Variants in CD34 observed in about 807,000 individuals in gnomAD.
CD34 encodes the protein CD34 molecule, also known as hematopoietic progenitor cell antigen CD34.
CD34 carries 34 observed loss-of-function variants against 40.1 expected under a neutral mutation model. That is an observed-to-expected ratio of 0.85 (90% CI 0.65 to 1.13). The LOEUF (loss-of-function observed/expected upper bound fraction) is 1.13, where lower values mean the gene tolerates loss of function less well. Ranked by LOEUF, CD34 falls within the 50% of genes most tolerant of loss-of-function variation. CD34 has a pLI of 0.00. For missense variants in CD34, 426 were observed against 466.9 expected (o/e 0.91, Z 0.81); for synonymous variants, 209 against 190.0 (o/e 1.10, Z -0.82).
chr1:207,889,846 G>A, intron 4 of CD34: 1 of 1,573,298 alleles, frequency 6.4e-7, no homozygotes, highest in South Asian at 1.2e-5. Flanking sequence ...ATATCTTCTA[G>A]TATCTAAGAT....
rs1661835941 is a variant in CD34 at position 207,883,073 on chromosome 1, C to A, written c.*4665G>T. On this transcript the variant is annotated 3_prime_UTR_variant, in exon 8 of 8. Coordinates refer to ENST00000310833, the MANE Select transcript of CD34 (RefSeq NM_001025109.2). ...AATTAATGAATAAATGGAAACTCTT[C>A]TGTGGCTCCTCTTCTATTGGATAAA... The A allele has an allele frequency of 6.6e-6, 1 of 152,194 alleles. No individual in the cohort carries two copies. The highest frequency in any genetic ancestry group is 2.4e-5 in the African/African-American group (1 of 41,454). The allele number at this position is 152,194 out of a possible 1,614,324, so 9.4% of individuals were successfully genotyped here. A position where few individuals can be genotyped will look rare whatever the true frequency, so the allele number is the denominator to read the frequency against.
intron 4 of CD34, among the ~76,000 whole-genome samples, chr1:207,892,820 A>G (rs1446137181): frequency 1.3e-5 from 2 of 152,148 alleles, no homozygotes; most frequent in East Asian, 3.9e-4. Context: ...AGACTGCATG[A>G]ACCGTGGCAC....
At position 207,888,860 on chromosome 1, in the gene CD34, C is replaced by G. The variant is rs143583448; in HGVS notation, c.808-14G>C. ...TAGGATCCCCAGCTTGAAAAGAAGA[C>G]AAAGAAGATACAGCCTGTCACTTGC... On this transcript the variant is annotated splice_polypyrimidine_tract_variant and intron_variant, in intron 6 of 7. Coordinates refer to ENST00000310833, the MANE Select transcript of CD34 (RefSeq NM_001025109.2). The G allele has an allele frequency of 9.4e-4, 1,521 of 1,613,502 alleles. 12 individuals are homozygous for G. The African/African-American group carries it at 0.018, about 19-fold the overall frequency.
Position 207,887,903 on chromosome 1 carries a change from C to A in CD34, c.993G>T (p.Thr331=), listed in dbSNP as rs764229152. Residue 331 remains threonine (T), a synonymous_variant, in exon 8 of 8, where the codon ACG becomes ACT. Transcript: ENST00000310833. The part of the protein sequence containing the change: ...GERLGEDPYY[T]ENGGGQGYSS... Reference sequence around the variant, plus strand: ...TATAGCCCTGGCCTCCACCGTTTTCCGTGTAATAAGGGTCTTCGCCCTAGA... The same window carrying A: ...TATAGCCCTGGCCTCCACCGTTTTCAGTGTAATAAGGGTCTTCGCCCTAGA... 2.5e-6 allele frequency: 4 copies of A among 1,613,796 alleles called. 1 individual carries two copies. In the South Asian group the frequency reaches 3.3e-5, roughly 13 times the overall value.
chr1:207,899,269 C>T (rs752810474), intron 2 of CD34, 43 bp from the exon 3 acceptor site: 2 of 1,599,366 alleles, frequency 1.3e-6, no homozygotes, highest in Admixed American at 3.4e-5. Flanking sequence ...TGCATGTGCT[C>T]ATAGATACAC....
intron 4 of CD34, chr1:207,890,146 G>A: frequency 9.5e-7 from 1 of 1,053,914 alleles, no homozygotes; most frequent in Non-Finnish European, 1.1e-6. Flanking sequence ...AAACTGAAAT[G>A]GCATTTTTGT....
intron 1 of CD34, among the ~76,000 whole-genome samples, chr1:207,909,156 C>T (rs1052514038): frequency 6.6e-6 from 1 of 152,190 alleles, no homozygotes; most frequent in Non-Finnish European, 1.5e-5. Flanking sequence ...TGCCTCATCC[C>T]TCCCCACCAA....
chr1:207,907,016 A>G (rs984125361), intron 1 of CD34, among the ~76,000 whole-genome samples: 5 of 151,990 alleles, frequency 3.3e-5, no homozygotes, highest in Non-Finnish European at 7.4e-5. Context: ...CCATGGCTCA[A>G]TGGCTCCCTG....
rs760191575 is a variant in CD34 at position 207,883,439 on chromosome 1, C to T, written c.*4299G>A. 2 of 152,212 alleles carry T rather than the reference C, an allele frequency of 1.3e-5. No individual in the cohort carries two copies. Among genetic ancestry groups the T allele is most frequent in the Non-Finnish European group, 2.9e-5 (2 of 68,046 alleles). The allele number at this position is 152,212 out of a possible 1,614,324, so 9.4% of individuals were successfully genotyped here. ...CATTTAGTCTTTCCTCGTGTTATTT[C>T]TCACTTTCTGTTGTGCATTTTTTTT... is the stretch of plus-strand genomic sequence containing the variant. On this transcript the variant is annotated 3_prime_UTR_variant, in exon 8 of 8. Transcript: ENST00000310833.
chr1:207,906,090 G>T (rs1426993044), intron 1 of CD34, among the ~76,000 whole-genome samples: 1 of 152,146 alleles, frequency 6.6e-6, no homozygotes, highest in Non-Finnish European at 1.5e-5. Context: ...CCTCCATTAG[G>T]TGTTAGTGTC....
rs759544403 is a variant in CD34 at position 207,899,204 on chromosome 1, A to G, written c.285T>C (p.Ser95=). The G allele has an allele frequency of 6.2e-7, 1 of 1,614,132 alleles. No individual in the cohort carries two copies. Among genetic ancestry groups the G allele is most frequent in the Non-Finnish European group, 8.5e-7 (1 of 1,179,950 alleles). ...NITETTVKFT[S]TSVITSVYGN... Reference sequence around the variant, plus strand: ...CATAAACTGAGGTTATCACAGAGGTAGATGTGAATTTGACTGTCGTTTCTG... The same window carrying G: ...CATAAACTGAGGTTATCACAGAGGTGGATGTGAATTTGACTGTCGTTTCTG... Residue 95 remains serine (S), a synonymous_variant, in exon 3 of 8, where the codon TCT becomes TCC. Transcript: ENST00000310833.
intron 4 of CD34, 98 bp from the exon 5 acceptor site, chr1:207,889,719 T>G: frequency 6.3e-7 from 1 of 1,598,064 alleles, no homozygotes; most frequent in Admixed American, 1.8e-5. Flanking sequence ...TCTTACCCCG[T>G]CCGCAAGAAG....
In CD34 at chr1:207,889,907, C is replaced by T. The variant is rs999818990; in HGVS notation, c.598-286G>A. The T allele has an allele frequency of 6.6e-6, 10 of 1,509,860 alleles. No homozygotes were observed. In the African/African-American group the frequency reaches 1.1e-4, roughly 17 times the overall value. 93.5% of individuals were successfully genotyped at this position (1,509,860 alleles called of 1,614,324 possible). On this transcript the variant is annotated intron_variant, in intron 4 of 7. Coordinates refer to ENST00000310833, the MANE Select transcript of CD34 (RefSeq NM_001025109.2). ...GTCTCGTTGAAGCATTGCCCATGTA[C>T]ACATATGCAAATTAAACTCAAAAGA...
At chr1:207,903,996 G>A (rs902591382) in intron 1 of CD34, among the ~76,000 whole-genome samples, 1 of 152,154 alleles carries the variant, frequency 6.6e-6, no homozygotes, top group African/African-American at 2.4e-5. Context: ...CCTTTTCGGG[G>A]GGGTATTCTA....
rs750419689 is a variant in CD34 at position 207,889,139 on chromosome 1, C to T, written c.807+22G>A. 4 of 1,407,428 alleles carry T rather than the reference C, an allele frequency of 2.8e-6. No homozygotes were observed. The South Asian group carries it at 4.6e-5, about 16-fold the overall frequency. The allele number at this position is 1,407,428 out of a possible 1,614,324, so 87.2% of individuals were successfully genotyped here. A position where few individuals can be genotyped will look rare whatever the true frequency, so the allele number is the denominator to read the frequency against. On this transcript the variant is annotated intron_variant, in intron 6 of 7. Transcript: ENST00000310833. ...CCCTGCCCCGGCATTCCCTCTCAGG[C>T]CCATCATCTCAGAGGACTTACCTTT...
chr1:207,903,482 G>A (rs147973925), intron 1 of CD34, among the ~76,000 whole-genome samples: 2 of 152,286 alleles, frequency 1.3e-5, no homozygotes, highest in African/African-American at 4.8e-5. Context: ...GCTCTCTTCT[G>A]TTGTTTACTT....
At chr1:207,900,106 C>T in intron 1 of CD34, 103 bp from the exon 2 acceptor site, 1 of 821,084 alleles carries the variant, frequency 1.2e-6, no homozygotes, top group Non-Finnish European at 1.9e-6. Flanking sequence ...CTAGAACATT[C>T]CCTGCTGCCC....
At chr1:207,895,110 G>A (rs1662121723) in intron 4 of CD34, among the ~76,000 whole-genome samples, 2 of 152,170 alleles carry the variant, frequency 1.3e-5, no homozygotes, top group Non-Finnish European at 2.9e-5. Context: ...ATACCTTAAG[G>A]CCCTCTGACA....
In CD34 at chr1:207,887,616, T is replaced by TGTGTG; in HGVS notation, c.*117_*121dup. 7.3e-7 allele frequency: 1 copy of TGTGTG among 1,378,570 alleles called. No homozygotes were observed. The highest frequency in any genetic ancestry group is 9.9e-7 in the Non-Finnish European group (1 of 1,010,556). The allele number at this position is 1,378,570 out of a possible 1,614,324, so 85.4% of individuals were successfully genotyped here. On this transcript the variant is annotated 3_prime_UTR_variant, in exon 8 of 8. Coordinates refer to ENST00000310833, the MANE Select transcript of CD34 (RefSeq NM_001025109.2). ...AGGGCCCCAAGAACAGCCTCTGAGG[T>TGTGTG]GTGTGCAGTGGGGAAGGGTTGGGCG...
Sources: allele counts gnomAD v4.1 joint callset (sites outside exome capture counted in the v4.1 genomes callset), GRCh38; gene constraint gnomAD v4.1.1; transcripts MANE v1.5; gene names NCBI Gene and HGNC (gene_info 2026-07-23, HGNC 2026-07-21).